Variants in ANK3 observed in about 807,000 individuals in gnomAD.
ANK3 encodes ankyrin-3.
In ANK3, 57 loss-of-function variants were observed where a neutral mutation model predicts 370.9. The observed-to-expected ratio is 0.15, with a 90% CI of 0.12 to 0.19. The LOEUF is 0.19. ANK3 is among the 10% of genes least tolerant of loss of function. The pLI, the probability that ANK3 is intolerant of heterozygous loss-of-function variation, is 1.00. For missense variants in ANK3, 4,439 were observed against 5,302.1 expected, an observed-to-expected ratio of 0.84 and a Z score of 5.06; for synonymous variants, 1,929 against 1,946.3, an observed-to-expected ratio of 0.99 and a Z score of 0.23.
At chr10:60,210,086 T>G (rs1006493821) in intron 9 of ANK3, among the ~76,000 whole-genome samples, 1 of 152,160 alleles carries the variant, frequency 6.6e-6, no homozygotes, top group Non-Finnish European at 1.5e-5. Context: ...AGGCTAGGAA[T>G]GTACTCATTC....
chr10:60,421,426 C>T (rs2063776838), intron 2 of ANK3, among the ~76,000 whole-genome samples: 1 of 151,860 alleles, frequency 6.6e-6, no homozygotes, highest in Admixed American at 6.6e-5. Context: ...TCTGAGTACT[C>T]CATGTAAACT....
intron 1 of ANK3, chr10:60,684,483 G>C (rs2079241895): frequency 7.4e-7 from 1 of 1,358,230 alleles, no homozygotes; most frequent in Non-Finnish European, 1.0e-6. Flanking sequence ...TTTCAATTTG[G>C]GACATTTATT....
chr10:60,514,894 A>G (rs1311241862), intron 2 of ANK3, among the ~76,000 whole-genome samples: 2 of 152,188 alleles, frequency 1.3e-5, no homozygotes, highest in African/African-American at 4.8e-5. Context: ...CTCATATTTC[A>G]TATAAAATGA....
intron 1 of ANK3, among the ~76,000 whole-genome samples, chr10:60,282,975 C>T (rs1316108890): frequency 1.3e-5 from 2 of 152,128 alleles, no homozygotes; most frequent in Non-Finnish European, 2.9e-5. Context: ...CACCGGCAAA[C>T]AAAACAGCCA....
intron 23 of ANK3, among the ~76,000 whole-genome samples, chr10:60,165,748 CAGGTGGCAAATGG>C (rs1216948884): frequency 1.3e-5 from 2 of 152,112 alleles, no homozygotes; most frequent in Non-Finnish European, 2.9e-5. Flanking sequence ...TACTACATGA[CAGGTGGCAAATGG>C]AGGTCATAAT....
At chr10:60,232,474 C>A (rs1302273330) in intron 8 of ANK3, among the ~76,000 whole-genome samples, 1 of 152,132 alleles carries the variant, frequency 6.6e-6, no homozygotes. Flanking sequence ...AAGACCCCTG[C>A]CATTTAAAGC....
At chr10:60,189,124 C>T (rs2096414791) in intron 16 of ANK3, among the ~76,000 whole-genome samples, 1 of 152,192 alleles carries the variant, frequency 6.6e-6, no homozygotes, top group African/African-American at 2.4e-5. Flanking sequence ...GGTAAGGCAG[C>T]TCACACATGA....
chr10:60,658,907 G>T, intron 1 of ANK3, among the ~76,000 whole-genome samples: 1 of 74,234 alleles, frequency 1.3e-5, no homozygotes, highest in African/African-American at 4.3e-5. Context: ...AAAAGGAAAG[G>T]AAAGAAAAGG....
chr10:60,721,756 C>T (rs2079866613), intron 1 of ANK3, among the ~76,000 whole-genome samples: 1 of 152,110 alleles, frequency 6.6e-6, no homozygotes, highest in Non-Finnish European at 1.5e-5. Flanking sequence ...TTTACTCATC[C>T]CTGCAGAGTC....
chr10:60,494,620 G>T (rs2075606067), intron 2 of ANK3, among the ~76,000 whole-genome samples: 1 of 152,064 alleles, frequency 6.6e-6, no homozygotes, highest in African/African-American at 2.4e-5. Context: ...TTCCAACAAG[G>T]TAAGGTGTTT....
intron 1 of ANK3, among the ~76,000 whole-genome samples, chr10:60,364,609 G>T (rs1329251417): frequency 6.6e-6 from 1 of 152,006 alleles, no homozygotes; most frequent in Non-Finnish European, 1.5e-5. Flanking sequence ...GGATTGATGG[G>T]TGCATCAAAC....
At chr10:60,150,039 G>A (rs764251178) in intron 23 of ANK3, among the ~76,000 whole-genome samples, 2 of 152,144 alleles carry the variant, frequency 1.3e-5, no homozygotes, top group African/African-American at 2.4e-5. Context: ...TTTGATTGGA[G>A]CTTTCTAGGA....
intron 2 of ANK3, among the ~76,000 whole-genome samples, chr10:60,405,851 G>A (rs1165050384): frequency 6.6e-6 from 1 of 152,092 alleles, no homozygotes; most frequent in Admixed American, 6.5e-5. Flanking sequence ...GCAGGTATGT[G>A]GGCATTCATT....
intron 23 of ANK3, among the ~76,000 whole-genome samples, chr10:60,159,041 A>G (rs1270363133): frequency 6.6e-6 from 1 of 152,158 alleles, no homozygotes; most frequent in Non-Finnish European, 1.5e-5. Flanking sequence ...GGACAAACAA[A>G]ACAATCAGAA....
At chr10:60,389,315 A>T in intron 1 of ANK3, 110 bp downstream of exon 1, 2 of 1,032,404 alleles carry the variant, frequency 1.9e-6, no homozygotes, top group Non-Finnish European at 1.4e-6. Flanking sequence ...CACCCAATTT[A>T]CACTCTACCC....
At chr10:60,438,375 C>A (rs1157250947) in intron 2 of ANK3, among the ~76,000 whole-genome samples, 1 of 152,152 alleles carries the variant, frequency 6.6e-6, no homozygotes, top group Non-Finnish European at 1.5e-5. Flanking sequence ...ATTAGGCCTA[C>A]ATTGAAAGGA....
chr10:60,043,169 T>G, intron 42 of ANK3: 1 of 989,316 alleles, frequency 1.0e-6, no homozygotes, highest in Non-Finnish European at 1.2e-6. Flanking sequence ...TGAGGGACTT[T>G]TTTAAGTTAG....
intron 23 of ANK3, among the ~76,000 whole-genome samples, chr10:60,156,792 A>G (rs955814663): frequency 6.6e-6 from 1 of 152,154 alleles, no homozygotes; most frequent in Non-Finnish European, 1.5e-5. Context: ...ATCCCTTTTG[A>G]ATTCTTGGAA....
intron 1 of ANK3, among the ~76,000 whole-genome samples, chr10:60,621,550 T>A (rs192913432): frequency 3.1e-4 from 47 of 152,278 alleles, no homozygotes; most frequent in African/African-American, 1.1e-3. Flanking sequence ...GTCGTGTAAT[T>A]CATGGCAGGT....
Sources: gnomAD v4.1 joint callset for allele counts (sites outside exome capture counted in the v4.1 genomes callset) on GRCh38, gnomAD v4.1.1 for gene constraint, MANE v1.5 for transcripts, NCBI Gene and HGNC (gene_info 2026-07-23, HGNC 2026-07-21) for gene names.